TANC2: variants seen among roughly 807,000 people sequenced by gnomAD.
TANC2 encodes protein TANC2.
Under a neutral mutation model 210.5 loss-of-function variants are expected in TANC2, and 26 were observed. That is an observed-to-expected ratio of 0.12 (90% confidence interval 0.09 to 0.17). TANC2 has a LOEUF of 0.17. Among genes scored for constraint, TANC2 ranks in the 10% least tolerant of loss-of-function variants. The pLI, the probability that TANC2 is intolerant of heterozygous loss-of-function variation, is 1.00. For missense variants in TANC2, 2,129 were observed against 2,608.9 expected (o/e 0.82, Z 4.01); for synonymous variants, 931 against 967.1 (o/e 0.96, Z 0.69).
At chr17:62,979,654 A>G (rs982722538) in intron 1 of TANC2, among the ~76,000 whole-genome samples, 1 of 152,172 alleles carries the variant, frequency 6.6e-6, no homozygotes, top group African/African-American at 2.4e-5. Flanking sequence ...TCACGCCTTT[A>G]GTAATCCTAG....
intron 3 of TANC2, among the ~76,000 whole-genome samples, chr17:63,078,033 A>T (rs1260111048): frequency 1.3e-5 from 2 of 152,062 alleles, no homozygotes; most frequent in African/African-American, 4.8e-5. Context: ...AATAAGTTGG[A>T]AGTTTCAACT....
exon 19 of TANC2, chr17:63,398,886 C>T: frequency 1.3e-6 from 2 of 1,596,694 alleles, no homozygotes; most frequent in Non-Finnish European, 8.5e-7. Context: ...CACAGATCAA[C>T]AGCTTTGACA....
chr17:63,220,727 T>C (rs1319060979), intron 7 of TANC2, among the ~76,000 whole-genome samples: 1 of 143,214 alleles, frequency 7.0e-6, no homozygotes, highest in Non-Finnish European at 1.5e-5. Context: ...AAAATATATA[T>C]ATATATATAT....
intron 7 of TANC2, among the ~76,000 whole-genome samples, chr17:63,236,559 C>T (rs867212083): frequency 3.9e-5 from 6 of 152,092 alleles, no homozygotes; most frequent in South Asian, 4.2e-4. Context: ...GCATAAATTG[C>T]GTAGTGGTGA....
intron 3 of TANC2, among the ~76,000 whole-genome samples, chr17:63,081,293 A>G (rs1339689194): frequency 1.3e-5 from 2 of 152,146 alleles, no homozygotes; most frequent in African/African-American, 2.4e-5. Context: ...CTTAGAATGT[A>G]TTGTTATAGT....
rs1027634336 is a variant in TANC2 at position 63,269,436 on chromosome 17, TAAA to T, written c.1159+1564_1159+1566del. 3.9e-5 allele frequency among the ~76,000 whole-genome samples: 6 copies of T among 152,264 alleles called. No individual in the cohort carries two copies. In the South Asian group the frequency reaches 8.3e-4, roughly 21 times the overall value. The stretch of plus-strand genomic sequence containing the variant: ...CCCCGACCAGAATGCACAGCCGTAA[TAAA>T]GAAGATTGGACAGAACTACTGATCT... On this transcript the variant is annotated intron_variant, in intron 9 of 27. Coordinates refer to ENST00000689528, the Ensembl canonical transcript of TANC2.
chr17:62,998,898 A>G (rs1209479775), intron 1 of TANC2, among the ~76,000 whole-genome samples: 1 of 152,230 alleles, frequency 6.6e-6, no homozygotes, highest in Admixed American at 6.5e-5. Flanking sequence ...AAATCCACAT[A>G]TATCAATATC....
At chr17:63,206,485 A>G (rs1041755788) in intron 7 of TANC2, among the ~76,000 whole-genome samples, 1 of 152,238 alleles carries the variant, frequency 6.6e-6, no homozygotes, top group African/African-American at 2.4e-5. Context: ...CAAACAAAAT[A>G]TGATATATAC....
At chr17:63,183,294 T>G (rs376055887) in intron 5 of TANC2, among the ~76,000 whole-genome samples, 13 of 152,324 alleles carry the variant, frequency 8.5e-5, no homozygotes, top group African/African-American at 3.1e-4. Flanking sequence ...TAATTCCTAT[T>G]TTTTTCTGTC....
At chr17:62,996,431 G>A (rs2033109730) in intron 1 of TANC2, among the ~76,000 whole-genome samples, 5 of 152,040 alleles carry the variant, frequency 3.3e-5, no homozygotes, top group Admixed American at 3.3e-4. Context: ...ATGCCAACCT[G>A]TAACCAGTGC....
chr17:63,071,100 A>G (rs1235518576), intron 2 of TANC2, among the ~76,000 whole-genome samples: 1 of 152,028 alleles, frequency 6.6e-6, no homozygotes, highest in Admixed American at 6.5e-5. Context: ...AGCATTTAGA[A>G]AGAACTACTT....
At chr17:63,243,986 A>C (rs2042847854) in intron 8 of TANC2, among the ~76,000 whole-genome samples, 1 of 152,166 alleles carries the variant, frequency 6.6e-6, no homozygotes, top group Non-Finnish European at 1.5e-5. Context: ...ATATTAAGAA[A>C]CAAAAAAGTC....
intron 15 of TANC2, among the ~76,000 whole-genome samples, chr17:63,381,011 C>T (rs1463081597): frequency 6.6e-6 from 1 of 152,200 alleles, no homozygotes; most frequent in Non-Finnish European, 1.5e-5. Context: ...ACTCTAAGAG[C>T]ATTGTCCTGC....
rs2043143375 is a variant in TANC2, at chr17:63,254,829, T to C, written c.1034-12919T>C. Among the ~76,000 whole-genome samples the C allele has an allele frequency of 2.0e-5, 3 of 152,280 alleles. No homozygotes were observed. The South Asian group carries it at 6.2e-4, about 32-fold the overall frequency. On this transcript the variant is annotated intron_variant, in intron 8 of 27. Coordinates refer to ENST00000689528, the Ensembl canonical transcript of TANC2. Reference sequence around the variant, plus strand: ...CTTGCATCCCTGGGTTAAATCCCACTTGGTCATGGTGAATGATCTTTTTAA... The same window carrying C: ...CTTGCATCCCTGGGTTAAATCCCACCTGGTCATGGTGAATGATCTTTTTAA...
At chr17:63,368,677 A>G (rs779133024) in intron 14 of TANC2, among the ~76,000 whole-genome samples, 19 of 149,418 alleles carry the variant, frequency 1.3e-4, no homozygotes, top group Non-Finnish European at 2.6e-4. Context: ...GAGGCCATAT[A>G]TGGCTTTTGC....
At chr17:62,989,384 C>A (rs1447567809) in intron 1 of TANC2, among the ~76,000 whole-genome samples, 1 of 152,120 alleles carries the variant, frequency 6.6e-6, no homozygotes, top group Admixed American at 6.5e-5. Context: ...ATATAATTTG[C>A]GAAGAATTTT....
chr17:63,141,916 T>G lies in TANC2; in HGVS notation c.323-9354T>G, dbSNP rs557602038. On this transcript the variant is annotated intron_variant, in intron 4 of 27. Coordinates refer to ENST00000689528, the Ensembl canonical transcript of TANC2. ...CTATAGATGTAATGTTGGAAAAAGT[T>G]TTTAAACTTTTTTACTTGATAAACA... Among the ~76,000 whole-genome samples the G allele has an allele frequency of 3.9e-5, 6 of 152,322 alleles. No individual in the cohort carries two copies. In the South Asian group the frequency reaches 1.2e-3, roughly 32 times the overall value.
intron 8 of TANC2, among the ~76,000 whole-genome samples, chr17:63,239,163 A>AG (rs1466176316): frequency 6.6e-6 from 1 of 151,952 alleles, no homozygotes; most frequent in East Asian, 1.9e-4. Flanking sequence ...AAAAAAAAAA[A>AG]AGAAAGAAAT....
intron 4 of TANC2, among the ~76,000 whole-genome samples, chr17:63,117,927 G>A (rs550696071): frequency 2.6e-5 from 4 of 152,056 alleles, no homozygotes; most frequent in Non-Finnish European, 5.9e-5. Flanking sequence ...ATTTTTAATT[G>A]TGTGTTCTTT....
Sources: gnomAD v4.1 joint callset for allele counts (sites outside exome capture counted in the v4.1 genomes callset) on GRCh38, gnomAD v4.1.1 for gene constraint, MANE v1.5 for transcripts, NCBI Gene and HGNC (gene_info 2026-07-23, HGNC 2026-07-21) for gene names.